MFNG: variants seen among roughly 807,000 people sequenced by gnomAD.
MFNG encodes the protein beta-1,3-N-acetylglucosaminyltransferase manic fringe.
A neutral mutation model predicts 34.2 loss-of-function variants in MFNG; 24 were observed. The observed-to-expected ratio is 0.70, with a 90% CI of 0.51 to 0.99. MFNG has a LOEUF of 0.99. Among genes scored for constraint, MFNG ranks in the 50% least tolerant of loss-of-function variants. The pLI, the probability that MFNG is intolerant of heterozygous loss-of-function variation, is 0.00. For missense variants in MFNG, 383 were observed against 424.0 expected (o/e 0.90, Z 0.85); for synonymous variants, 158 against 179.2 (o/e 0.88, Z 0.94).
intron 6 of MFNG, 116 bp from the exon 7 acceptor site, chr22:37,472,644 C>T: frequency 1.0e-6 from 1 of 982,194 alleles, no homozygotes; most frequent in Non-Finnish European, 1.5e-6. Context: ...TGCCCGGGAA[C>T]CTGAAATTCC....
rs539407483 is a variant in MFNG, at chr22:37,475,463, A to G, written c.648-786T>C. Among the ~76,000 whole-genome samples the G allele has an allele frequency of 8.5e-5, 13 of 152,256 alleles. No individual in the cohort carries two copies. The South Asian group carries it at 2.7e-3, about 32-fold the overall frequency. On this transcript the variant is annotated intron_variant, in intron 5 of 7. Transcript: ENST00000356998. ...GGTCTTGAACTCCTAACCTCAAGTG[A>G]GTCACCCACCTCAGCCTCCCAAAGT...
At chr22:37,472,774 T>C (rs1269212402) in intron 6 of MFNG, 9 of 392,332 alleles carry the variant, frequency 2.3e-5, no homozygotes, top group Admixed American at 4.9e-5. Flanking sequence ...GCTGGAACAA[T>C]ACCCCCATCT....
rs1454950904 is a variant in MFNG, at chr22:37,483,426, C to T, written c.255+2497G>A. On this transcript the variant is annotated intron_variant, in intron 1 of 7. Coordinates refer to ENST00000356998, the MANE Select transcript of MFNG (RefSeq NM_002405.4). This position sits in a 1 kb window ranked among gnomAD's most constrained non-coding sequence, Gnocchi z 4.5. ...CCCTCGACAAACTTTTGCCACCAAA[C>T]AGCCACCCGATAGTGAAACACTCTC... 6.6e-6 allele frequency among the ~76,000 whole-genome samples: 1 copy of T among 151,778 alleles called. No individual in the cohort carries two copies. Among genetic ancestry groups the T allele is most frequent in the Non-Finnish European group, 1.5e-5 (1 of 68,002 alleles).
intron 1 of MFNG, chr22:37,481,162 C>T (rs1189094953): frequency 4.5e-6 from 1 of 223,068 alleles, no homozygotes; most frequent in Non-Finnish European, 9.0e-6. Flanking sequence ...AACCCATTTT[C>T]AGGACACAAA....
At position 37,483,153 on chromosome 22, in the gene MFNG, T is replaced by G. The variant is rs1407994387; in HGVS notation, c.256-2384A>C. Among the ~76,000 whole-genome samples, 1 of 152,008 alleles carries G rather than the reference T, an allele frequency of 6.6e-6. No homozygotes were observed. The highest frequency in any genetic ancestry group is 1.5e-5 in the Non-Finnish European group (1 of 67,976). On this transcript the variant is annotated intron_variant, in intron 1 of 7. Coordinates refer to ENST00000356998, the MANE Select transcript of MFNG (RefSeq NM_002405.4). The surrounding 1 kb of genome is among the most constrained non-coding windows in gnomAD (Gnocchi z 4.5). ...CCCAAAACCTCAGACTCCCCGCTCC[T>G]CCTCTCTTCCTCTCACACCTCTTCC... is the stretch of plus-strand genomic sequence containing the variant.
intron 5 of MFNG, 21 bp from the exon 6 acceptor site, chr22:37,474,698 G>A (rs1411199577): frequency 5.7e-6 from 9 of 1,566,842 alleles, no homozygotes; most frequent in Admixed American, 1.8e-5. Flanking sequence ...GAGCCAGACT[G>A]CAGACGCTGG....
rs1259902611 is a variant in MFNG at position 37,476,954 on chromosome 22, C to T, written c.589G>A (p.Gly197Arg). 6.2e-7 allele frequency: 1 copy of T among 1,614,198 alleles called. No homozygotes were observed. The highest frequency in any genetic ancestry group is 8.5e-7 in the Non-Finnish European group (1 of 1,180,040). ...CGATTGATGCAGAAGCCAGCACCCC[C>T]AGTGGCAAACCAGAACTGTACCAGC... Reference protein sequence around the residue: ...TRLVQFWFATGGAGFCINRKL... With the variant: ...TRLVQFWFATRGAGFCINRKL... Residue 197 changes from glycine to arginine, a missense_variant, in exon 5 of 8, where the codon GGG becomes AGG. Physicochemically the swap from Gly to Arg is moderately radical, Grantham distance 125. Coordinates refer to ENST00000356998, the MANE Select transcript of MFNG (RefSeq NM_002405.4).
chr22:37,485,969 C>T lies in MFNG; in HGVS notation c.209G>A (p.Arg70His), dbSNP rs756081585. 42 of 1,613,804 alleles carry T rather than the reference C, an allele frequency of 2.6e-5. No homozygotes were observed. Among genetic ancestry groups the T allele is most frequent in the East Asian group, 6.7e-5 (3 of 44,882 alleles). The change falls in exon 1 of 8, where the codon CGC becomes CAC. Residue 70 changes from arginine (R) to histidine (H), a missense_variant. Arg to His is a conservative substitution (Grantham distance 29). Coordinates refer to ENST00000356998, the MANE Select transcript of MFNG (RefSeq NM_002405.4). The surrounding 1 kb of genome is among the most constrained non-coding windows in gnomAD (Gnocchi z 5.3). ...CCACGTGTCAAGCAGCAGCTCCAGG[C>T]GCAAGCGGTGGAAAGCCCGGGTCGT... ...VKTTRAFHRL[R>H]LELLLDTWVS...
intron 7 of MFNG, among the ~76,000 whole-genome samples, chr22:37,470,531 C>A (rs1178306663): frequency 1.3e-5 from 2 of 152,262 alleles, no homozygotes; most frequent in Non-Finnish European, 2.9e-5. Flanking sequence ...ACGGCTTACA[C>A]ACTGCTGACG....
At chr22:37,478,059 G>A (rs1423296633) in intron 4 of MFNG, among the ~76,000 whole-genome samples, 1 of 152,220 alleles carries the variant, frequency 6.6e-6, no homozygotes. Context: ...TGGTGTGAGA[G>A]CCTGGGGGAC....
intron 4 of MFNG, among the ~76,000 whole-genome samples, chr22:37,478,782 G>A (rs952722906): frequency 3.3e-5 from 5 of 151,994 alleles, no homozygotes; most frequent in Non-Finnish European, 4.4e-5. Context: ...GGGTTCAAGC[G>A]ATTCTCCTCT....
intron 7 of MFNG, among the ~76,000 whole-genome samples, chr22:37,471,509 C>A (rs559227970): frequency 3.3e-5 from 5 of 152,260 alleles, no homozygotes; most frequent in Admixed American, 1.3e-4. Flanking sequence ...CTCTCCACCC[C>A]CATCCCGCCA....
chr22:37,478,885 G>A (rs1385125885), intron 4 of MFNG, among the ~76,000 whole-genome samples: 2 of 152,182 alleles, frequency 1.3e-5, no homozygotes. Context: ...CACCATATTG[G>A]TCAGGCTGGT....
In MFNG at chr22:37,474,666, AAACGG is replaced by A; in HGVS notation, c.654_658del (p.Arg219HisfsTer11). 3.7e-6 allele frequency: 6 copies of A among 1,602,858 alleles called. No homozygotes were observed. The highest frequency in any genetic ancestry group is 4.3e-6 in the Non-Finnish European group (5 of 1,173,198). ...CCGGATGAGAGCAGATGTGTCCATG[AAACGG>A]GAGCCACTGAGGGACAGAGCCAGAC... is the stretch of plus-strand genomic sequence containing the variant. On this transcript the variant is annotated frameshift_variant, in exon 6 of 8. Transcript: ENST00000356998. LOFTEE classifies it high-confidence loss of function.
At chr22:37,477,671 A>C (rs2145731990) in intron 4 of MFNG, among the ~76,000 whole-genome samples, 1 of 152,226 alleles carries the variant, frequency 6.6e-6, no homozygotes, top group South Asian at 2.1e-4. Flanking sequence ...GCTGGTCTCA[A>C]ACTCCTGACC....
chr22:37,476,163 G>A (rs953156640), intron 5 of MFNG, among the ~76,000 whole-genome samples: 1 of 152,014 alleles, frequency 6.6e-6, no homozygotes, highest in African/African-American at 2.4e-5. Context: ...CAATACAAGG[G>A]AGTGGCTGCT....
chr22:37,476,950 C>A lies in MFNG; in HGVS notation c.593G>T (p.Gly198Val), dbSNP rs746712436. 9.4e-5 allele frequency: 152 copies of A among 1,614,090 alleles called. No homozygotes were observed. The highest frequency in any genetic ancestry group is 5.5e-4 in the Admixed American group (33 of 60,024). Residue 198 changes from glycine (G) to valine (V), a missense_variant, in exon 5 of 8, where the codon GGT becomes GTT. Coordinates refer to ENST00000356998, the MANE Select transcript of MFNG (RefSeq NM_002405.4). Reference protein sequence around the residue: ...RLVQFWFATGGAGFCINRKLA... With the variant: ...RLVQFWFATGVAGFCINRKLA... ...TTTGCGATTGATGCAGAAGCCAGCA[C>A]CCCCAGTGGCAAACCAGAACTGTAC...
At position 37,482,453 on chromosome 22, in the gene MFNG, G is replaced by A. The variant is rs560072514; in HGVS notation, c.256-1684C>T. 1.4e-4 allele frequency among the ~76,000 whole-genome samples: 21 copies of A among 149,668 alleles called. No homozygotes were observed. The East Asian group carries it at 3.9e-3, about 28-fold the overall frequency. ...CTCACACACACACACGCACACACAC[G>A]CACGCATACACACACACACACACAC... is the stretch of plus-strand genomic sequence containing the variant. On this transcript the variant is annotated intron_variant, in intron 1 of 7. Transcript: ENST00000356998. The surrounding 1 kb of genome is among the most constrained non-coding windows in gnomAD (Gnocchi z 4.1).
chr22:37,480,980 C>T, intron 1 of MFNG: 2 of 591,754 alleles, frequency 3.4e-6, no homozygotes, highest in African/African-American at 3.7e-5. Context: ...ACACAGCCCA[C>T]AGTCTAAACA....
Sources: gnomAD v4.1 joint callset for allele counts (sites outside exome capture counted in the v4.1 genomes callset) on GRCh38, gnomAD v4.1.1 for gene constraint, Gnocchi (gnomAD v3.1) non-coding constraint, MANE v1.5 for transcripts, NCBI Gene and HGNC (gene_info 2026-07-23, HGNC 2026-07-21) for gene names.